MICAL2: variants seen among roughly 807,000 people sequenced by gnomAD.
MICAL2 encodes the protein microtubule associated monooxygenase, calponin and LIM domain containing 2.
A neutral mutation model predicts 127.3 loss-of-function variants in MICAL2; 77 were observed. The ratio of observed to expected loss-of-function variants is 0.60; its 90% CI spans 0.50 to 0.73. The LOEUF (loss-of-function observed/expected upper bound fraction) is 0.73. MICAL2 is among the 30% of genes least tolerant of loss of function. The pLI is 0.00. For missense variants in MICAL2, 1,351 were observed against 1,434.4 expected, an observed-to-expected ratio of 0.94 and a Z score of 0.94; for synonymous variants, 570 against 551.1, an observed-to-expected ratio of 1.03 and a Z score of -0.48.
At chr11:12,269,527 G>T (rs77284711) in intron 24 of MICAL2, among the ~76,000 whole-genome samples, 1 of 152,326 alleles carries the variant, frequency 6.6e-6, no homozygotes, top group East Asian at 1.9e-4. Flanking sequence ...CTGAATGGAG[G>T]AGTCCTGGTG....
intron 3 of MICAL2, among the ~76,000 whole-genome samples, chr11:12,164,651 G>A (rs1855255076): frequency 6.6e-6 from 1 of 152,138 alleles, no homozygotes; most frequent in South Asian, 2.1e-4. Context: ...CAAAAGGCTG[G>A]AATCTGTCTC....
chr11:12,128,731 C>T (rs1048509569), intron 1 of MICAL2, among the ~76,000 whole-genome samples: 4 of 152,200 alleles, frequency 2.6e-5, no homozygotes, highest in Non-Finnish European at 5.9e-5. Context: ...TATCTGAAAC[C>T]CATTTTGGTT....
At chr11:12,318,677 T>C (rs1324952595) in intron 29 of MICAL2, among the ~76,000 whole-genome samples, 1 of 152,224 alleles carries the variant, frequency 6.6e-6, no homozygotes, top group African/African-American at 2.4e-5. Context: ...TTTCGTATCG[T>C]GGAGTCCTAG....
chr11:12,350,445 A>G (rs908497099), intron 33 of MICAL2, among the ~76,000 whole-genome samples: 2 of 152,200 alleles, frequency 1.3e-5, no homozygotes, highest in African/African-American at 4.8e-5. Context: ...ACACTCTGAA[A>G]AAGCTGAAGG....
chr11:12,263,151 T>G (rs1212524833), intron 27 of MICAL2: 2 of 152,250 alleles, frequency 1.3e-5, no homozygotes, highest in African/African-American at 2.4e-5. Context: ...GACCCAAGGG[T>G]TTTGCTGTGG....
In MICAL2 at chr11:12,126,705, TA is replaced by T. The variant is rs5789711; in HGVS notation, c.-148-11669del. On this transcript the variant is annotated intron_variant, in intron 1 of 27. Transcript: ENST00000683283. ...CTTGGGAAAGCAAGGCTTATGTGTG[TA>T]AAAAAAAAAAAAAAATTAAGTAACA... 3.4e-3 allele frequency among the ~76,000 whole-genome samples: 490 copies of T among 144,310 alleles called. 1 individual carries two copies. The highest frequency in any genetic ancestry group is 8.7e-3 in the African/African-American group (344 of 39,322). 94.7% of individuals were successfully genotyped at this position (144,310 alleles called of 152,430 possible). A position where few individuals can be genotyped will look rare whatever the true frequency, so the allele number is the denominator to read the frequency against.
At chr11:12,272,374 T>A (rs1863683452), upstream of MICAL2, among the ~76,000 whole-genome samples, 1 of 152,328 alleles carries the variant, frequency 6.6e-6, no homozygotes, top group Middle Eastern at 3.4e-3. Flanking sequence ...CACTCTTACA[T>A]GCTTTGTCTT....
chr11:12,162,493 C>G, intron 3 of MICAL2, 74 bp downstream of exon 3: 1 of 1,559,596 alleles, frequency 6.4e-7, no homozygotes, highest in Admixed American at 1.8e-5. Flanking sequence ...GAAGCTGTTG[C>G]CATTTTGGCA....
rs146070959 is a variant in MICAL2, at chr11:12,322,320, C to T, written c.5329-1658C>T. On this transcript the variant is annotated intron_variant, in intron 30 of 34. Transcript: ENST00000646065. Reference sequence around the variant, plus strand: ...CCACCACCTCTTCCCTAGAGCCTTTCCAGAAAGATCCTAGCTGCCCCATGA... The same window carrying T: ...CCACCACCTCTTCCCTAGAGCCTTTTCAGAAAGATCCTAGCTGCCCCATGA... Among the ~76,000 whole-genome samples, 591 of 152,220 alleles carry T rather than the reference C, an allele frequency of 3.9e-3. 4 individuals carry two copies. Among genetic ancestry groups the T allele is most frequent in the Middle Eastern group, 0.024 (7 of 294 alleles).
chr11:12,124,319 G>T (rs61525902), intron 1 of MICAL2, among the ~76,000 whole-genome samples: 3,864 of 152,232 alleles, frequency 0.025, 168 homozygotes, highest in African/African-American at 0.088. Flanking sequence ...TTGACCGACT[G>T]ACTTTGGGAA....
downstream of MICAL2, among the ~76,000 whole-genome samples, chr11:12,295,965 A>T (rs573312970): frequency 9.2e-5 from 14 of 152,250 alleles, no homozygotes; most frequent in African/African-American, 3.1e-4. Flanking sequence ...TTTGCATACC[A>T]CCAATGAAAA....
At chr11:12,141,110 T>C (rs1045684591) in intron 2 of MICAL2, among the ~76,000 whole-genome samples, 1 of 152,236 alleles carries the variant, frequency 6.6e-6, no homozygotes, top group African/African-American at 2.4e-5. Context: ...TTTCCCTAAG[T>C]GATACTTGGG....
At chr11:12,186,515 T>C (rs1422527289) in intron 3 of MICAL2, among the ~76,000 whole-genome samples, 1 of 152,220 alleles carries the variant, frequency 6.6e-6, no homozygotes, top group Non-Finnish European at 1.5e-5. Context: ...TATCCCACGA[T>C]TTGAGGGCGC....
chr11:12,335,829 C>T (rs1342682250), intron 32 of MICAL2, among the ~76,000 whole-genome samples: 3 of 152,152 alleles, frequency 2.0e-5, no homozygotes, highest in Non-Finnish European at 4.4e-5. Flanking sequence ...GTTTTGGTAC[C>T]AGTACCATGC....
intron 1 of MICAL2, among the ~76,000 whole-genome samples, chr11:12,136,071 C>T (rs183862607): frequency 9.1e-4 from 138 of 152,178 alleles, no homozygotes; most frequent in African/African-American, 3.2e-3. Context: ...GAGGAAGGCT[C>T]CCGGAGTTCC....
intron 1 of MICAL2, among the ~76,000 whole-genome samples, chr11:12,126,877 G>T (rs768768743): frequency 3.0e-4 from 46 of 152,136 alleles, no homozygotes; most frequent in Non-Finnish European, 5.6e-4. Flanking sequence ...CTTCCTGGAG[G>T]AGGGAGCAGA....
chr11:12,152,723 A>G (rs1032869964), intron 2 of MICAL2, among the ~76,000 whole-genome samples: 9 of 152,172 alleles, frequency 5.9e-5, no homozygotes, highest in Non-Finnish European at 1.0e-4. Flanking sequence ...TTTGGAAAGA[A>G]TGAGAGAAGC....
intron 32 of MICAL2, among the ~76,000 whole-genome samples, chr11:12,336,632 T>C (rs1231253600): frequency 6.6e-6 from 1 of 152,168 alleles, no homozygotes; most frequent in Admixed American, 6.5e-5. Flanking sequence ...ATCCCATCAA[T>C]ACCTAATTTA....
intron 29 of MICAL2, among the ~76,000 whole-genome samples, chr11:12,310,366 T>A (rs1864159580): frequency 6.6e-6 from 1 of 152,156 alleles, no homozygotes; most frequent in Non-Finnish European, 1.5e-5. Flanking sequence ...TGGTGAACGA[T>A]GGAATCTAGT....
Sources: allele counts gnomAD v4.1 joint callset (sites outside exome capture counted in the v4.1 genomes callset), GRCh38; gene constraint gnomAD v4.1.1; transcripts MANE v1.5; gene names NCBI Gene and HGNC (gene_info 2026-07-23, HGNC 2026-07-21).